The following ALG9 variants were observed in gnomAD, a reference collection of about 807,000 sequenced individuals.
ALG9 encodes the protein alpha-1,2-mannosyltransferase ALG9.
In ALG9, 55 loss-of-function variants were observed where a neutral mutation model predicts 81.8. The observed-to-expected ratio is 0.67, with a 90% CI of 0.54 to 0.84. The LOEUF is 0.84. Ranked by LOEUF, ALG9 falls within the 40% of genes least tolerant of loss-of-function variation. ALG9 has a pLI of 0.00. For missense variants in ALG9, 629 were observed against 745.0 expected (o/e 0.84, Z 1.81); for synonymous variants, 278 against 274.3 (o/e 1.01, Z -0.13).
rs1481758050 is a variant in ALG9, at chr11:111,802,978, AT to A, written c.1733+6664del. 3.3e-5 allele frequency among the ~76,000 whole-genome samples: 5 copies of A among 152,312 alleles called. No homozygotes were observed. In the South Asian group the frequency reaches 1.0e-3, roughly 32 times the overall value. On this transcript the variant is annotated intron_variant, in intron 14 of 14. Coordinates refer to ENST00000616540, the MANE Select transcript of ALG9 (RefSeq NM_024740.2). The stretch of plus-strand genomic sequence containing the variant: ...AAGGCCATCAGAAGAAAATGTCCAG[AT>A]TCCTACCATCACACTCCCCAAAATG...
chr11:111,805,335 G>A, intron 14 of ALG9: 1 of 455,978 alleles, frequency 2.2e-6, no homozygotes, highest in Non-Finnish European at 4.4e-6. Flanking sequence ...GTAAACGTTT[G>A]TTGTTTAAGC....
intron 13 of ALG9, among the ~76,000 whole-genome samples, chr11:111,811,045 T>A (rs1950629334): frequency 6.6e-6 from 1 of 152,168 alleles, no homozygotes. Context: ...CACAATGATA[T>A]AATGGTCCAA....
At position 111,786,434 on chromosome 11, in the gene ALG9, C is replaced by G. The variant is rs373830702; in HGVS notation, c.1820G>C (p.Arg607Pro). The change falls in exon 15 of 15, where the codon CGG becomes CCG. Residue 607 changes from arginine to proline, a missense_variant. Physicochemically the swap from Arg to Pro is moderately radical, Grantham distance 103. Around this residue, in one of 3 missense-constraint regions of ALG9, gnomAD observed 264 missense variants for 302.2 expected, o/e 0.87. Transcript: ENST00000616540. ...TTTCTTCCTGATTTGCTTTGCTTTC[C>G]GGGGTTTGAGGATGGTGTAGTTTAC... is the stretch of plus-strand genomic sequence containing the variant. ...VYVNYTILKP[R>P]KAKQIRKKSG... 1 of 1,613,826 alleles carries G rather than the reference C, an allele frequency of 6.2e-7. No homozygotes were observed. Among genetic ancestry groups the G allele is most frequent in the Non-Finnish European group, 8.5e-7 (1 of 1,179,986 alleles).
rs1199004523 is a variant in ALG9 at position 111,783,297 on chromosome 11, A to T, written c.*3100T>A. Reference sequence around the variant, plus strand: ...TGGTAAAACCCCACCTCTACTAAAAATACAAAAATTAGCTGAGTGCGGTGG... The same window carrying T: ...TGGTAAAACCCCACCTCTACTAAAATTACAAAAATTAGCTGAGTGCGGTGG... On this transcript the variant is annotated 3_prime_UTR_variant, in exon 15 of 15. Coordinates refer to ENST00000616540, the MANE Select transcript of ALG9 (RefSeq NM_024740.2). 6.6e-6 allele frequency: 1 copy of T among 152,196 alleles called. No individual in the cohort carries two copies. Among genetic ancestry groups the T allele is most frequent in the African/African-American group, 2.4e-5 (1 of 41,410 alleles). The allele number at this position is 152,196 out of a possible 1,614,324, so 9.4% of individuals were successfully genotyped here.
chr11:111,772,736 A>G, the ALG9 span, among the ~76,000 whole-genome samples: 1 of 152,266 alleles, frequency 6.6e-6, no homozygotes, highest in Non-Finnish European at 1.5e-5. Flanking sequence ...GGGAGCAAAT[A>G]GGAAAATATT....
chr11:111,795,056 C>G (rs1555074080), intron 14 of ALG9, among the ~76,000 whole-genome samples: 1 of 151,968 alleles, frequency 6.6e-6, no homozygotes, highest in East Asian at 1.9e-4. Context: ...GACTTACAAC[C>G]CTGTTATCCA....
At chr11:111,844,847 G>A in intron 8 of ALG9, 124 bp from the exon 9 acceptor site, 2 of 1,048,318 alleles carry the variant, frequency 1.9e-6, no homozygotes, top group Non-Finnish European at 2.9e-6. Context: ...GAATGAGAGT[G>A]CACAGCCCAC....
chr11:111,784,570 T>C lies in ALG9; in HGVS notation c.*1827A>G, dbSNP rs1364803080. 1 of 151,974 alleles carries C rather than the reference T, an allele frequency of 6.6e-6. No homozygotes were observed. Among genetic ancestry groups the C allele is most frequent in the Non-Finnish European group, 1.5e-5 (1 of 68,008 alleles). The allele number at this position is 151,974 out of a possible 1,614,324, so 9.4% of individuals were successfully genotyped here. On this transcript the variant is annotated 3_prime_UTR_variant, in exon 15 of 15. Coordinates refer to ENST00000616540, the MANE Select transcript of ALG9 (RefSeq NM_024740.2). Reference sequence around the variant, plus strand: ...CCAACTCTACTAAAAATACATAAATTAGCTGGGCATGATGGCGCATGCCTG... The same window carrying C: ...CCAACTCTACTAAAAATACATAAATCAGCTGGGCATGATGGCGCATGCCTG...
At chr11:111,770,299 G>A in the ALG9 span, among the ~76,000 whole-genome samples, 1 of 152,122 alleles carries the variant, frequency 6.6e-6, no homozygotes, top group Non-Finnish European at 1.5e-5. Context: ...AGTGTGCATT[G>A]ATACTTGAAA....
chr11:111,860,036 A>G (rs1243509819), intron 5 of ALG9, among the ~76,000 whole-genome samples: 1 of 152,212 alleles, frequency 6.6e-6, no homozygotes, highest in East Asian at 1.9e-4. Flanking sequence ...GCTTATTATT[A>G]AAAGAAAGCC....
downstream of ALG9, among the ~76,000 whole-genome samples, chr11:111,779,474 T>C (rs1002582264): frequency 5.3e-5 from 8 of 151,610 alleles, no homozygotes; most frequent in African/African-American, 1.9e-4. Context: ...ACCAAGAAGT[T>C]GCCTCATTTA....
At chr11:111,869,223 T>G (rs1963480961) in intron 2 of ALG9, among the ~76,000 whole-genome samples, 1 of 152,242 alleles carries the variant, frequency 6.6e-6, no homozygotes. Flanking sequence ...ACCTTCTACT[T>G]ATTTTTTCTC....
At chr11:111,826,033 T>C (rs1555108109) in intron 13 of ALG9, among the ~76,000 whole-genome samples, 1 of 148,750 alleles carries the variant, frequency 6.7e-6, no homozygotes, top group African/African-American at 2.5e-5. Context: ...ACCACTGCAC[T>C]CCAGCCTGGG....
chr11:111,824,522 T>C (rs1952915702), intron 13 of ALG9, among the ~76,000 whole-genome samples: 1 of 152,178 alleles, frequency 6.6e-6, no homozygotes, highest in African/African-American at 2.4e-5. Context: ...TGTATAAACT[T>C]TGAGTGGCAT....
chr11:111,788,564 T>C (rs781964666), intron 14 of ALG9: 9 of 414,464 alleles, frequency 2.2e-5, no homozygotes, highest in South Asian at 1.6e-4. Flanking sequence ...GGCAACAAAT[T>C]GAGACCTGTG....
chr11:111,772,509 T>C, the ALG9 span, among the ~76,000 whole-genome samples: 1 of 152,240 alleles, frequency 6.6e-6, no homozygotes, highest in South Asian at 2.1e-4. Context: ...AGATGTAGAT[T>C]GAAATCCCAC....
intron 5 of ALG9, among the ~76,000 whole-genome samples, chr11:111,859,180 T>C (rs1448996717): frequency 6.6e-6 from 1 of 152,104 alleles, no homozygotes; most frequent in Non-Finnish European, 1.5e-5. Flanking sequence ...CACTCTAACC[T>C]GCCTAGGTGA....
At chr11:111,870,993 A>G in intron 1 of ALG9, 12 of 1,027,802 alleles carry the variant, frequency 1.2e-5, no homozygotes, top group Non-Finnish European at 1.4e-5. Flanking sequence ...TGGGCCCAGT[A>G]AAGGGTCGGG....
intron 14 of ALG9, among the ~76,000 whole-genome samples, chr11:111,792,193 C>T (rs1307389970): frequency 6.6e-6 from 1 of 152,254 alleles, no homozygotes; most frequent in African/African-American, 2.4e-5. Context: ...CTTCATTCTA[C>T]AATTCACAAT....
Sources: gnomAD v4.1 joint callset for allele counts (sites outside exome capture counted in the v4.1 genomes callset) on GRCh38, gnomAD v4.1.1 for gene constraint, gnomAD v4.1.1 regional missense constraint, MANE v1.5 for transcripts, NCBI Gene and HGNC (gene_info 2026-07-23, HGNC 2026-07-21) for gene names.